The following STX7 variants were observed in gnomAD, a reference collection of about 807,000 sequenced individuals.
STX7 encodes the protein syntaxin 7.
In STX7, 34 loss-of-function variants were observed where a neutral mutation model predicts 39.6. The ratio of observed to expected loss-of-function variants is 0.86; its 90% CI spans 0.65 to 1.14. The LOEUF is 1.14. STX7 is among the 50% of genes most tolerant of loss of function. The probability of loss-of-function intolerance (pLI) is 0.00; values close to 1 mark genes in which losing one functional copy is unlikely to be tolerated. For missense variants in STX7, 284 were observed against 310.4 expected (o/e 0.92, Z 0.64); for synonymous variants, 119 against 99.1 (o/e 1.20, Z -1.19).
rs946439669 is a variant in STX7, at chr6:132,457,962, T to C, written c.*2796A>G. On this transcript the variant is annotated 3_prime_UTR_variant, in exon 10 of 10. Transcript: ENST00000367941. ...TATATTTTATTATGACATTCATTTT[T>C]TCTACATGAAGACACAAATAAAAAT... is the stretch of plus-strand genomic sequence containing the variant. 6.6e-6 allele frequency: 1 copy of C among 152,248 alleles called. No homozygotes were observed. Among genetic ancestry groups the C allele is most frequent in the Admixed American group, 6.5e-5 (1 of 15,286 alleles). 9.4% of individuals were successfully genotyped at this position (152,248 alleles called of 1,614,324 possible).
intron 9 of STX7, 45 bp downstream of exon 9, chr6:132,463,946 CAT>C (rs755722277): frequency 2.7e-5 from 41 of 1,545,494 alleles, no homozygotes; most frequent in Non-Finnish European, 3.4e-5. Context: ...CACACACACA[CAT>C]ACGAAAAGGA....
chr6:132,469,426 C>G (rs896135157), intron 7 of STX7, among the ~76,000 whole-genome samples: 1 of 151,420 alleles, frequency 6.6e-6, no homozygotes, highest in Non-Finnish European at 1.5e-5. Flanking sequence ...TAAAAAGCTG[C>G]AGTAGGAGGG....
intron 2 of STX7, among the ~76,000 whole-genome samples, chr6:132,498,531 T>C (rs1487944617): frequency 1.3e-5 from 2 of 152,208 alleles, no homozygotes; most frequent in Non-Finnish European, 2.9e-5. Flanking sequence ...ACTTTAGCTT[T>C]AGTTTAACAG....
At chr6:132,495,700 T>G (rs2114453620) in intron 2 of STX7, among the ~76,000 whole-genome samples, 1 of 152,004 alleles carries the variant, frequency 6.6e-6, no homozygotes, top group South Asian at 2.1e-4. Flanking sequence ...TGTGTTAAAA[T>G]GCAAAAACAA....
At position 132,460,571 on chromosome 6, in the gene STX7, T is replaced by C. The variant is rs1218075668; in HGVS notation, c.*187A>G. 1 of 423,606 alleles carries C rather than the reference T, an allele frequency of 2.4e-6. No individual in the cohort carries two copies. The highest frequency in any genetic ancestry group is 4.1e-6 in the Non-Finnish European group (1 of 242,018). The allele number at this position is 423,606 out of a possible 1,614,324, so 26.2% of individuals were successfully genotyped here. On this transcript the variant is annotated 3_prime_UTR_variant, in exon 10 of 10. Transcript: ENST00000367941. Reference sequence around the variant, plus strand: ...TATGTCAGCAGTGACATTTAGAAAATCTTTCAGTATTAGAAAATATCAGAT... The same window carrying C: ...TATGTCAGCAGTGACATTTAGAAAACCTTTCAGTATTAGAAAATATCAGAT...
intron 2 of STX7, among the ~76,000 whole-genome samples, chr6:132,483,437 T>C (rs1405184790): frequency 1.3e-5 from 2 of 152,204 alleles, no homozygotes; most frequent in Non-Finnish European, 2.9e-5. Context: ...GTCTATCTAG[T>C]AAAATATTTA....
intron 9 of STX7, among the ~76,000 whole-genome samples, chr6:132,462,288 G>C (rs1774426842): frequency 6.6e-6 from 1 of 152,324 alleles, no homozygotes. Context: ...CTATTGGAAA[G>C]CTGCCTCTTT....
rs1400323949 is a variant in STX7, at chr6:132,452,478, A to G, written c.*8280T>C. 2.9e-5 allele frequency: 2 copies of G among 68,278 alleles called. No homozygotes were observed. Among genetic ancestry groups the G allele is most frequent in the African/African-American group, 9.3e-5 (2 of 21,594 alleles). 4.2% of individuals were successfully genotyped at this position (68,278 alleles called of 1,614,324 possible). ...TGCAGATGACATGACTATCTATATA[A>G]AAAAAAAATCCCAAGGAATCAATCA... On this transcript the variant is annotated 3_prime_UTR_variant, in exon 10 of 10. Transcript: ENST00000367941.
Position 132,450,844 on chromosome 6 carries a change from G to A in STX7, c.*9914C>T, listed in dbSNP as rs1285251449. ...AGTCTCAAAAGAAAGAAGAAAGAAG[G>A]AAGACTGAAAAAGTTCTTGAAAAAA... On this transcript the variant is annotated 3_prime_UTR_variant, in exon 10 of 10. Coordinates refer to ENST00000367941, the MANE Select transcript of STX7 (RefSeq NM_003569.3). 2.0e-5 allele frequency: 3 copies of A among 151,594 alleles called. No homozygotes were observed. The highest frequency in any genetic ancestry group is 2.9e-5 in the Non-Finnish European group (2 of 67,926). The allele number at this position is 151,594 out of a possible 1,614,324, so 9.4% of individuals were successfully genotyped here. A position where few individuals can be genotyped will look rare whatever the true frequency, so the allele number is the denominator to read the frequency against.
In STX7 at chr6:132,450,002, G is replaced by A. The variant is rs1002913727; in HGVS notation, c.*10756C>T. On this transcript the variant is annotated 3_prime_UTR_variant, in exon 10 of 10. Transcript: ENST00000367941. Reference sequence around the variant, plus strand: ...CTTAGGACTACTTTAATGCTTTAAAGCATTCCTGGTTTTATGAAGGAATCT... The same window carrying A: ...CTTAGGACTACTTTAATGCTTTAAAACATTCCTGGTTTTATGAAGGAATCT... 3.3e-5 allele frequency: 5 copies of A among 152,140 alleles called. No homozygotes were observed. Among genetic ancestry groups the A allele is most frequent in the Admixed American group, 3.3e-4 (5 of 15,266 alleles). 9.4% of individuals were successfully genotyped at this position (152,140 alleles called of 1,614,324 possible).
Position 132,475,667 on chromosome 6 carries a change from T to A in STX7, c.86-5A>T, listed in dbSNP as rs781101386. The stretch of plus-strand genomic sequence containing the variant: ...GAGTTCTTTGTATTTCCACAGCTAT[T>A]ATAATAGAAAATTCATGTATTAATT... On this transcript the variant is annotated splice_region_variant and splice_polypyrimidine_tract_variant and intron_variant, in intron 2 of 9. Transcript: ENST00000367941. The A allele has an allele frequency of 8.2e-6, 13 of 1,590,432 alleles. No homozygotes were observed. The highest frequency in any genetic ancestry group is 1.1e-5 in the Non-Finnish European group (13 of 1,167,000).
rs1430455115 is a variant in STX7 at position 132,456,744 on chromosome 6, A to C, written c.*4014T>G. 6.6e-6 allele frequency: 1 copy of C among 152,198 alleles called. No individual in the cohort carries two copies. Among genetic ancestry groups the C allele is most frequent in the South Asian group, 2.1e-4 (1 of 4,826 alleles). 9.4% of individuals were successfully genotyped at this position (152,198 alleles called of 1,614,324 possible). A position where few individuals can be genotyped will look rare whatever the true frequency, so the allele number is the denominator to read the frequency against. ...CCACTTCACGTGGTTTGAACTGTAC[A>C]TCTCAGTGTTTGTTTCACAATTATG... is the stretch of plus-strand genomic sequence containing the variant. On this transcript the variant is annotated 3_prime_UTR_variant, in exon 10 of 10. Coordinates refer to ENST00000367941, the MANE Select transcript of STX7 (RefSeq NM_003569.3).
At chr6:132,486,383 T>C (rs900682940) in intron 2 of STX7, among the ~76,000 whole-genome samples, 1 of 152,236 alleles carries the variant, frequency 6.6e-6, no homozygotes, top group African/African-American at 2.4e-5. Context: ...AGCTCACTTC[T>C]ACTCCTAGTT....
At chr6:132,512,807 C>A (rs1180284617) in intron 1 of STX7, among the ~76,000 whole-genome samples, 200 bp downstream of exon 1, 2 of 152,194 alleles carry the variant, frequency 1.3e-5, no homozygotes, top group South Asian at 2.1e-4. Flanking sequence ...CGCCCTTGCA[C>A]CCGGCCGGGG....
chr6:132,511,854 AGTTTGGG>A (rs1406028016), intron 1 of STX7, among the ~76,000 whole-genome samples: 1 of 152,198 alleles, frequency 6.6e-6, no homozygotes, highest in African/African-American at 2.4e-5. Context: ...CAGCACTTAA[AGTTTGGG>A]GTCATAACCA....
rs1445603206 is a variant in STX7 at position 132,458,589 on chromosome 6, C to CT, written c.*2168dup. ...CATGCTGTCAGTTATGAAAACAACT[C>CT]TAATTTTAATCTCCACAGGGCAACC... On this transcript the variant is annotated 3_prime_UTR_variant, in exon 10 of 10. Transcript: ENST00000367941. 4 of 152,198 alleles carry CT rather than the reference C, an allele frequency of 2.6e-5. No homozygotes were observed. Among genetic ancestry groups the CT allele is most frequent in the Admixed American group, 6.5e-5 (1 of 15,272 alleles). 9.4% of individuals were successfully genotyped at this position (152,198 alleles called of 1,614,324 possible).
At chr6:132,508,401 C>T (rs1206247473) in intron 1 of STX7, among the ~76,000 whole-genome samples, 1 of 152,232 alleles carries the variant, frequency 6.6e-6, no homozygotes, top group Non-Finnish European at 1.5e-5. Flanking sequence ...TCCCTTTCCT[C>T]AAGCTACTAA....
chr6:132,473,522 T>TTG (rs1554248145), intron 3 of STX7, among the ~76,000 whole-genome samples: 1 of 149,946 alleles, frequency 6.7e-6, no homozygotes, highest in African/African-American at 2.4e-5. Flanking sequence ...ATTGTGTTGT[T>TTG]TTTTTTTTTT....
At chr6:132,483,874 C>T (rs1775068290) in intron 2 of STX7, among the ~76,000 whole-genome samples, 1 of 152,134 alleles carries the variant, frequency 6.6e-6, no homozygotes, top group Non-Finnish European at 1.5e-5. Flanking sequence ...AATAATCCTC[C>T]TACTTTCTCC....
Sources: gnomAD v4.1 joint callset for allele counts (sites outside exome capture counted in the v4.1 genomes callset) on GRCh38, gnomAD v4.1.1 for gene constraint, MANE v1.5 for transcripts, NCBI Gene and HGNC (gene_info 2026-07-23, HGNC 2026-07-21) for gene names.